Variants in SORT1 observed in about 807,000 individuals in gnomAD.
SORT1 encodes sortilin.
A neutral mutation model predicts 101.7 loss-of-function variants in SORT1; 39 were observed. The ratio of observed to expected loss-of-function variants is 0.38; its 90% CI spans 0.30 to 0.50. The LOEUF is 0.50. SORT1 is among the 20% of genes least tolerant of loss of function. The probability of loss-of-function intolerance (pLI) is 0.90; values close to 1 mark genes in which losing one functional copy is unlikely to be tolerated. For synonymous variants in SORT1, 396 were observed against 393.7 expected, an observed-to-expected ratio of 1.01 and a Z score of -0.07; for missense variants, 878 against 1,040.4, an observed-to-expected ratio of 0.84 and a Z score of 2.15.
chr1:109,361,792 C>T (rs574565139), intron 3 of SORT1, among the ~76,000 whole-genome samples: 1 of 152,138 alleles, frequency 6.6e-6, no homozygotes, highest in South Asian at 2.1e-4. Context: ...ACTCATGGTC[C>T]CTTGCCAGTC....
chr1:109,387,655 T>C (rs1652649464), intron 1 of SORT1, among the ~76,000 whole-genome samples: 1 of 152,226 alleles, frequency 6.6e-6, no homozygotes, highest in African/African-American at 2.4e-5. Context: ...CTCCCATAGC[T>C]TCAAGAAAGG....
chr1:109,387,470 G>A (rs898813499), intron 1 of SORT1, among the ~76,000 whole-genome samples: 1 of 152,060 alleles, frequency 6.6e-6, no homozygotes, highest in Non-Finnish European at 1.5e-5. Flanking sequence ...TCCAGTCTGG[G>A]TGACACAGTA....
rs1658801174 is a variant in SORT1 at position 109,312,731 on chromosome 1, G to A, written c.*1312C>T. 1 of 152,302 alleles carries A rather than the reference G, an allele frequency of 6.6e-6. No individual in the cohort carries two copies. Among genetic ancestry groups the A allele is most frequent in the South Asian group, 2.1e-4 (1 of 4,818 alleles). 9.4% of individuals were successfully genotyped at this position (152,302 alleles called of 1,614,324 possible). On this transcript the variant is annotated 3_prime_UTR_variant, in exon 20 of 20. Transcript: ENST00000256637. Reference sequence around the variant, plus strand: ...TATTGCAGCTTTCCATTACTATATGGCCACCCCAAAATCCACCCAACTACA... The same window carrying A: ...TATTGCAGCTTTCCATTACTATATGACCACCCCAAAATCCACCCAACTACA...
intron 1 of SORT1, among the ~76,000 whole-genome samples, chr1:109,385,855 T>C (rs569370187): frequency 3.3e-5 from 5 of 152,356 alleles, no homozygotes; most frequent in African/African-American, 1.2e-4. Flanking sequence ...TTACTATTTT[T>C]CTTCTTGGTA....
chr1:109,378,492 A>G (rs1374287586), intron 1 of SORT1, among the ~76,000 whole-genome samples: 1 of 151,600 alleles, frequency 6.6e-6, no homozygotes, highest in African/African-American at 2.4e-5. Context: ...ATCAAGGCAA[A>G]GTAAGAAGAA....
At chr1:109,332,700 C>A (rs1417535878) in intron 11 of SORT1, among the ~76,000 whole-genome samples, 1 of 152,112 alleles carries the variant, frequency 6.6e-6, no homozygotes, top group East Asian at 1.9e-4. Flanking sequence ...ATCATGCTAC[C>A]TAATTTCAAA....
chr1:109,363,408 AAT>A (rs145024980), intron 3 of SORT1, among the ~76,000 whole-genome samples: 2 of 152,312 alleles, frequency 1.3e-5, no homozygotes, highest in East Asian at 3.9e-4. Context: ...ATACTATACA[AAT>A]ATGATTCCCT....
chr1:109,396,158 G>A (rs1653166652), intron 1 of SORT1, among the ~76,000 whole-genome samples: 2 of 152,088 alleles, frequency 1.3e-5, no homozygotes, highest in Admixed American at 6.5e-5. Flanking sequence ...TACTCAGGAG[G>A]CTGAGGTAAG....
chr1:109,363,504 T>C (rs1338309829), intron 3 of SORT1, among the ~76,000 whole-genome samples: 2 of 152,168 alleles, frequency 1.3e-5, no homozygotes, highest in Admixed American at 6.5e-5. Flanking sequence ...TACACACATA[T>C]ACATACATAC....
chr1:109,376,601 G>GA (rs1651874573), intron 1 of SORT1, among the ~76,000 whole-genome samples: 1 of 152,148 alleles, frequency 6.6e-6, no homozygotes, highest in African/African-American at 2.4e-5. Context: ...CAGCAACATG[G>GA]ATGCACATGG....
At position 109,371,159 on chromosome 1, in the gene SORT1, C is replaced by A. The variant is rs543757420; in HGVS notation, c.307-1570G>T. Reference sequence around the variant, plus strand: ...AAATAATGGTTAACTCTCAAATGCTCGGCAGAGCTTCTCACAGCCTCTGCA... The same window carrying A: ...AAATAATGGTTAACTCTCAAATGCTAGGCAGAGCTTCTCACAGCCTCTGCA... On this transcript the variant is annotated intron_variant, in intron 1 of 19. Transcript: ENST00000256637. 4.6e-5 allele frequency among the ~76,000 whole-genome samples: 7 copies of A among 152,308 alleles called. No individual in the cohort carries two copies. In the South Asian group the frequency reaches 1.2e-3, roughly 27 times the overall value.
intron 1 of SORT1, among the ~76,000 whole-genome samples, chr1:109,378,701 TATATATATATATATA>T (rs1652017315): frequency 9.9e-4 from 1 of 1,014 alleles, no homozygotes; most frequent in African/African-American, 1.3e-3. Context: ...GAGTGAATGA[TATATATATATATATA>T]TATATATATA....
chr1:109,347,846 T>A (rs1649702033), intron 6 of SORT1, among the ~76,000 whole-genome samples: 1 of 151,962 alleles, frequency 6.6e-6, no homozygotes, highest in East Asian at 1.9e-4. Context: ...GTGGCGGAGG[T>A]GTTATTGGCA....
intron 1 of SORT1, among the ~76,000 whole-genome samples, chr1:109,373,362 T>C (rs1329993369): frequency 1.3e-5 from 2 of 151,976 alleles, no homozygotes; most frequent in African/African-American, 2.4e-5. Flanking sequence ...AGAAAAAAAA[T>C]TCTGGAGATC....
chr1:109,395,652 G>A (rs1027656351), intron 1 of SORT1, among the ~76,000 whole-genome samples: 1 of 152,142 alleles, frequency 6.6e-6, no homozygotes, highest in African/African-American at 2.4e-5. Context: ...AGAATGAGTG[G>A]TTTTAGGTCT....
intron 11 of SORT1, among the ~76,000 whole-genome samples, chr1:109,334,143 CTTTAAAAAA>C (rs1648649379): frequency 6.6e-6 from 1 of 151,814 alleles, no homozygotes; most frequent in South Asian, 2.1e-4. Context: ...AAGACTGTGT[CTTTAAAAAA>C]AAGAAAAAAA....
chr1:109,371,224 T>C (rs1390066389), intron 1 of SORT1, among the ~76,000 whole-genome samples: 2 of 152,208 alleles, frequency 1.3e-5, no homozygotes, highest in African/African-American at 4.8e-5. Flanking sequence ...TTGCCAGGCA[T>C]CTGAGAAAAA....
chr1:109,345,791 A>C lies in SORT1; in HGVS notation c.923T>G (p.Leu308Arg). Residue 308 changes from leucine (L) to arginine (R), a missense_variant, in exon 8 of 20, where the codon CTT becomes CGT. Leu to Arg is a moderately radical substitution (Grantham distance 102). This residue lies in a region of SORT1 where 684 missense variants were observed against 894.5 expected (regional missense o/e 0.76). Coordinates refer to ENST00000256637, the MANE Select transcript of SORT1 (RefSeq NM_002959.7). ...AGAGGCAAAAAGGAAACGTCCCCCA[A>C]GACCAAATGAGTAGATTTTCACACC... is the stretch of plus-strand genomic sequence containing the variant. The part of the protein sequence containing the change: ...TIGVKIYSFG[L>R]GGRFLFASVM... 6.2e-7 allele frequency: 1 copy of C among 1,614,070 alleles called. No homozygotes were observed. Among genetic ancestry groups the C allele is most frequent in the Non-Finnish European group, 8.5e-7 (1 of 1,179,916 alleles).
chr1:109,354,343 A>G, intron 5 of SORT1, 24 bp downstream of exon 5: 10 of 1,598,786 alleles, frequency 6.3e-6, no homozygotes, highest in Non-Finnish European at 8.6e-6. Context: ...CAAAAGGCAA[A>G]CCATGTTCCT....
Sources: gnomAD v4.1 joint callset for allele counts (sites outside exome capture counted in the v4.1 genomes callset) on GRCh38, gnomAD v4.1.1 for gene constraint, gnomAD v4.1.1 regional missense constraint, MANE v1.5 for transcripts, NCBI Gene and HGNC (gene_info 2026-07-23, HGNC 2026-07-21) for gene names.